The following OR1M1 variants were observed in gnomAD, a reference collection of about 807,000 sequenced individuals.
OR1M1 encodes olfactory receptor family 1 subfamily M member 1.
For missense variants in OR1M1, 397 were observed against 401.8 expected, an observed-to-expected ratio of 0.99 and a Z score of 0.10; for synonymous variants, 157 against 165.5, an observed-to-expected ratio of 0.95 and a Z score of 0.39.
intron 1 of OR1M1, among the ~76,000 whole-genome samples, chr19:9,090,970 T>C (rs1253749896): frequency 6.6e-6 from 1 of 151,384 alleles, no homozygotes; most frequent in Non-Finnish European, 1.5e-5. Context: ...ATCAAGACCA[T>C]CCTGGCTAAC....
intron 1 of OR1M1, among the ~76,000 whole-genome samples, chr19:9,088,567 T>G (rs2050276477): frequency 6.6e-6 from 1 of 152,076 alleles, no homozygotes; most frequent in Non-Finnish European, 1.5e-5. Flanking sequence ...CACAGAGCAT[T>G]CACTGGCTTC....
intron 1 of OR1M1, among the ~76,000 whole-genome samples, chr19:9,089,215 C>T (rs747368392): frequency 1.3e-5 from 2 of 152,112 alleles, no homozygotes; most frequent in Non-Finnish European, 2.9e-5. Flanking sequence ...CCTTCCCAGA[C>T]TCTAGTATCC....
In OR1M1 at chr19:9,094,203, A is replaced by T. The variant is rs767928777; in HGVS notation, c.*17A>T. ...TCTTCCTGACCACCAGGACTCAGGAACTTCTGGGGGGTAGAATATATACAT... is the reference window on the plus strand; with the variant it reads ...TCTTCCTGACCACCAGGACTCAGGATCTTCTGGGGGGTAGAATATATACAT... On this transcript the variant is annotated 3_prime_UTR_variant, in exon 2 of 2. Coordinates refer to ENST00000641627, the MANE Select transcript of OR1M1 (RefSeq NM_001004456.2). The T allele has an allele frequency of 8.5e-6, 13 of 1,527,282 alleles. No homozygotes were observed. The highest frequency in any genetic ancestry group is 9.9e-6 in the Non-Finnish European group (11 of 1,116,336). The allele number at this position is 1,527,282 out of a possible 1,614,324, so 94.6% of individuals were successfully genotyped here.
In OR1M1 at chr19:9,094,366, A is replaced by G; in HGVS notation, c.*180A>G. 1.9e-6 allele frequency: 1 copy of G among 518,402 alleles called. No homozygotes were observed. The highest frequency in any genetic ancestry group is 3.0e-5 in the South Asian group (1 of 32,968). The allele number at this position is 518,402 out of a possible 1,614,324, so 32.1% of individuals were successfully genotyped here. ...GAGTGCAGTGGCGTGATCATAGATCACTGCAGCTTCAAACTTCTCTCTCTG... is the reference window on the plus strand; with the variant it reads ...GAGTGCAGTGGCGTGATCATAGATCGCTGCAGCTTCAAACTTCTCTCTCTG... On this transcript the variant is annotated 3_prime_UTR_variant, in exon 2 of 2. Transcript: ENST00000641627.
intron 1 of OR1M1, among the ~76,000 whole-genome samples, chr19:9,088,847 C>A (rs1327184930): frequency 1.3e-5 from 2 of 150,790 alleles, no homozygotes; most frequent in Non-Finnish European, 2.9e-5. Context: ...GAGATTGCAC[C>A]ATTGCACTCC....
At chr19:9,092,092 T>G (rs867949861) in intron 1 of OR1M1, among the ~76,000 whole-genome samples, 44 of 144,654 alleles carry the variant, frequency 3.0e-4, no homozygotes, top group Middle Eastern at 3.5e-3. Flanking sequence ...TTTTTTTTTT[T>G]TTTTTTTGGT....
chr19:9,093,079 TACACACAC>T (rs560891702), intron 1 of OR1M1, 145 bp from the exon 2 acceptor site: 6 of 406,664 alleles, frequency 1.5e-5, no homozygotes, highest in South Asian at 1.2e-4. Context: ...ATTCTATATA[TACACACAC>T]ACACACACAC....
In OR1M1 at chr19:9,093,077, T is replaced by TACACACACACACACAC. The variant is rs545067737; in HGVS notation, c.-13-154_-13-153insCACACACACACACACA. On this transcript the variant is annotated intron_variant, in intron 1 of 1. Transcript: ENST00000641627. Reference sequence around the variant, plus strand: ...TACACACACACATATATATTCTATATATACACACACACACACACACACACA... The same window carrying TACACACACACACACAC: ...TACACACACACATATATATTCTATATACACACACACACACACATACACACACACACACACACACACA... 39 of 458,992 alleles carry TACACACACACACACAC rather than the reference T, an allele frequency of 8.5e-5. No homozygotes were observed. In the African/African-American group the frequency reaches 8.8e-4, roughly 10 times the overall value. 28.4% of individuals were successfully genotyped at this position (458,992 alleles called of 1,614,324 possible). A position where few individuals can be genotyped will look rare whatever the true frequency, so the allele number is the denominator to read the frequency against.
rs759416057 is a variant in OR1M1, at chr19:9,093,244, C to T, written c.-1C>T. ...TCCATACTTCCAGAGGAATCACACC[C>T]ATGGAACCAAGAAACCAAACCAGTG... On this transcript the variant is annotated 5_prime_UTR_variant, in exon 2 of 2. Coordinates refer to ENST00000641627, the MANE Select transcript of OR1M1 (RefSeq NM_001004456.2). The T allele has an allele frequency of 1.1e-5, 17 of 1,595,982 alleles. No homozygotes were observed. The highest frequency in any genetic ancestry group is 6.7e-5 in the East Asian group (3 of 44,746).
chr19:9,093,348 A>G lies in OR1M1; in HGVS notation c.104A>G (p.Tyr35Cys). The G allele has an allele frequency of 1.2e-6, 2 of 1,613,702 alleles. No individual in the cohort carries two copies. The highest frequency in any genetic ancestry group is 1.7e-6 in the Non-Finnish European group (2 of 1,179,912). Residue 35 changes from tyrosine (Y) to cysteine (C), a missense_variant, in exon 2 of 2, where the codon TAC (tyrosine) becomes TGC (cysteine). Physicochemically the swap from Tyr to Cys is radical, Grantham distance 194 (BLOSUM62 -2). Transcript: ENST00000641627. ...CTCTTTTCCCTGTTCTTCTGCATGT[A>G]CCTGGTCATGGTCGTGGGGAACCTG... is the stretch of plus-strand genomic sequence containing the variant. ...TLLFSLFFCM[Y>C]LVMVVGNLLI... is the part of the protein sequence containing the mutation.
In OR1M1 at chr19:9,094,217, G is replaced by A; in HGVS notation, c.*31G>A. ...AGGACTCAGGAACTTCTGGGGGGTA[G>A]AATATATACATCTGGGAGTCTTGGG... On this transcript the variant is annotated 3_prime_UTR_variant, in exon 2 of 2. Coordinates refer to ENST00000641627, the MANE Select transcript of OR1M1 (RefSeq NM_001004456.2). 2 of 1,380,970 alleles carry A rather than the reference G, an allele frequency of 1.4e-6. No homozygotes were observed. Among genetic ancestry groups the A allele is most frequent in the Non-Finnish European group, 2.0e-6 (2 of 993,170 alleles). 85.5% of individuals were successfully genotyped at this position (1,380,970 alleles called of 1,614,324 possible).
At chr19:9,087,599 A>C (rs1347989834) in intron 1 of OR1M1, among the ~76,000 whole-genome samples, 1 of 151,866 alleles carries the variant, frequency 6.6e-6, no homozygotes, top group Non-Finnish European at 1.5e-5. Context: ...TTACAGGCAT[A>C]CACCACCATG....
At position 9,091,664 on chromosome 19, in the gene OR1M1, G is replaced by GA. The variant is rs113355974; in HGVS notation, c.-13-1557dup. ...ACAGAGCAAGACCCCGTCTCAAAAG[G>GA]AAAAAAAAAAACAAAGGAAGGAAGT... is the stretch of plus-strand genomic sequence containing the variant. On this transcript the variant is annotated intron_variant, in intron 1 of 1. Transcript: ENST00000641627. Among the ~76,000 whole-genome samples the GA allele has an allele frequency of 1.3e-3, 189 of 142,248 alleles. 1 individual carries two copies. Among genetic ancestry groups the GA allele is most frequent in the South Asian group, 8.3e-3 (37 of 4,448 alleles). 93.3% of individuals were successfully genotyped at this position (142,248 alleles called of 152,430 possible). A position where few individuals can be genotyped will look rare whatever the true frequency, so the allele number is the denominator to read the frequency against.
chr19:9,088,651 C>T (rs1297625113), intron 1 of OR1M1, among the ~76,000 whole-genome samples: 3 of 151,944 alleles, frequency 2.0e-5, no homozygotes, highest in Admixed American at 6.6e-5. Context: ...TTTGGAAGGC[C>T]GAGGCGGGCG....
chr19:9,088,508 G>A (rs1431914827), intron 1 of OR1M1, among the ~76,000 whole-genome samples: 1 of 152,114 alleles, frequency 6.6e-6, no homozygotes, highest in African/African-American at 2.4e-5. Context: ...TAGGTGTCAG[G>A]GCAGGAGGAT....
intron 1 of OR1M1, among the ~76,000 whole-genome samples, chr19:9,092,447 T>G (rs1296454242): frequency 6.6e-6 from 1 of 151,872 alleles, no homozygotes; most frequent in African/African-American, 2.4e-5. Context: ...CAAGAAAAGA[T>G]AAATAAGCCA....
At chr19:9,089,040 G>A (rs976712079) in intron 1 of OR1M1, among the ~76,000 whole-genome samples, 1 of 152,066 alleles carries the variant, frequency 6.6e-6, no homozygotes, top group African/African-American at 2.4e-5. Context: ...ATTTCTCTGT[G>A]TTGGGAACAC....
intron 1 of OR1M1, 85 bp downstream of exon 1, chr19:9,087,242 T>A (rs1173223448): frequency 6.6e-6 from 1 of 152,184 alleles, no homozygotes; most frequent in Non-Finnish European, 1.5e-5. Context: ...TGATCTCAGA[T>A]ACACTGGAAG....
chr19:9,093,823 T>G lies in OR1M1; in HGVS notation c.579T>G (p.Ser193=). The G allele has an allele frequency of 6.2e-7, 1 of 1,614,098 alleles. No individual in the cohort carries two copies. The highest frequency in any genetic ancestry group is 8.5e-7 in the Non-Finnish European group (1 of 1,180,024). The change falls in exon 2 of 2, where the codon TCT becomes TCG. Residue 193 remains serine (S), a synonymous_variant. Coordinates refer to ENST00000641627, the MANE Select transcript of OR1M1 (RefSeq NM_001004456.2). ...TCCGACTTTCGTGCACGGACACCTCTGTGAATAGGATCTTCATCCTCATTG... is the reference window on the plus strand; with the variant it reads ...TCCGACTTTCGTGCACGGACACCTCGGTGAATAGGATCTTCATCCTCATTG... ...PILRLSCTDT[S]VNRIFILIVA...
Sources: allele counts gnomAD v4.1 joint callset (sites outside exome capture counted in the v4.1 genomes callset), GRCh38; gene constraint gnomAD v4.1.1; transcripts MANE v1.5; gene names NCBI Gene and HGNC (gene_info 2026-07-23, HGNC 2026-07-21).